The following NAA35 variants were observed in gnomAD, a reference collection of about 807,000 sequenced individuals.
NAA35 encodes the protein MAK10 homolog, amino-acid N-acetyltransferase subunit.
In NAA35, 18 loss-of-function variants were observed where a neutral mutation model predicts 101.7. That is an observed-to-expected ratio of 0.18 (90% confidence interval 0.12 to 0.26). The LOEUF (loss-of-function observed/expected upper bound fraction) is 0.26, where lower values mean the gene tolerates loss of function less well. Among genes scored for constraint, NAA35 ranks in the 10% least tolerant of loss-of-function variants. NAA35 has a pLI of 1.00. For missense variants in NAA35, 601 were observed against 886.8 expected, an observed-to-expected ratio of 0.68 and a Z score of 4.09; for synonymous variants, 267 against 273.1, an observed-to-expected ratio of 0.98 and a Z score of 0.22.
intron 11 of NAA35, among the ~76,000 whole-genome samples, chr9:85,990,314 G>C (rs1412027303): frequency 6.6e-6 from 1 of 152,178 alleles, no homozygotes; most frequent in Non-Finnish European, 1.5e-5. Flanking sequence ...GACACCTCCT[G>C]TTAGGCCCCA....
chr9:86,021,886 GT>G lies in NAA35; in HGVS notation c.2119-10del, dbSNP rs1832578080. 1.2e-6 allele frequency: 2 copies of G among 1,604,606 alleles called. No individual in the cohort carries two copies. Among genetic ancestry groups the G allele is most frequent in the Admixed American group, 1.7e-5 (1 of 59,760 alleles). ...TTTGTAGATACATTAATTGAGTTTCGTTTTTCTTTAACAGGTTCCTCCTGAA... is the reference window on the plus strand; with the variant it reads ...TTTGTAGATACATTAATTGAGTTTCGTTTTCTTTAACAGGTTCCTCCTGAA... On this transcript the variant is annotated splice_polypyrimidine_tract_variant and intron_variant, in intron 22 of 22. Coordinates refer to ENST00000361671, the MANE Select transcript of NAA35 (RefSeq NM_024635.4).
chr9:85,971,308 C>T (rs1189123652), intron 6 of NAA35, among the ~76,000 whole-genome samples: 1 of 152,200 alleles, frequency 6.6e-6, no homozygotes, highest in Admixed American at 6.5e-5. Context: ...CCTCCCTCTC[C>T]AACCTGTGAG....
intron 19 of NAA35, among the ~76,000 whole-genome samples, chr9:86,018,029 G>A (rs997798119): frequency 3.9e-5 from 6 of 152,202 alleles, no homozygotes; most frequent in African/African-American, 1.4e-4. Flanking sequence ...GTACTTGGCA[G>A]TCCAAGAAAT....
In NAA35 at chr9:85,944,513, A is replaced by T. The variant is rs78164323; in HGVS notation, c.124+2230A>T. Among the ~76,000 whole-genome samples, 538 of 152,294 alleles carry T rather than the reference A, an allele frequency of 3.5e-3. 12 individuals are homozygous for T. The highest frequency in any genetic ancestry group is 1.1e-3 in the Non-Finnish European group (72 of 68,024). Reference sequence around the variant, plus strand: ...GAAGGGTAACATATGAGAACAAATAAGTTCATGTTGCTGGAGAGGTGAAAG... The same window carrying T: ...GAAGGGTAACATATGAGAACAAATATGTTCATGTTGCTGGAGAGGTGAAAG... On this transcript the variant is annotated intron_variant, in intron 2 of 22. Transcript: ENST00000361671.
intron 2 of NAA35, among the ~76,000 whole-genome samples, chr9:85,948,765 AT>A (rs544055976): frequency 6.7e-6 from 1 of 150,346 alleles, no homozygotes; most frequent in Non-Finnish European, 1.5e-5. Flanking sequence ...ATTTTATTTT[AT>A]TTTTTTTTGA....
chr9:85,976,655 G>T (rs370432917), intron 8 of NAA35, 30 bp from the exon 9 acceptor site: 8 of 1,510,684 alleles, frequency 5.3e-6, no homozygotes, highest in Admixed American at 2.1e-5. Context: ...TTTCAGGTTT[G>T]TGTTTAATTC....
At chr9:86,003,428 T>C (rs565820701) in intron 12 of NAA35, among the ~76,000 whole-genome samples, 157 bp from the exon 13 acceptor site, 5 of 152,172 alleles carry the variant, frequency 3.3e-5, no homozygotes, top group Non-Finnish European at 7.4e-5. Context: ...TTTTATATAA[T>C]TAAATAATTT....
intron 5 of NAA35, 130 bp from the exon 6 acceptor site, chr9:85,961,881 GTC>G (rs1829529183): frequency 3.3e-6 from 2 of 597,606 alleles, no homozygotes; most frequent in African/African-American, 3.8e-5. Flanking sequence ...ATTCTAACGT[GTC>G]TTTTTTTTTT....
At chr9:85,985,806 G>A (rs1166033510) in intron 11 of NAA35, among the ~76,000 whole-genome samples, 1 of 152,070 alleles carries the variant, frequency 6.6e-6, no homozygotes, top group Non-Finnish European at 1.5e-5. Context: ...TTTCAGACTG[G>A]GGGGAAATGG....
intron 5 of NAA35, among the ~76,000 whole-genome samples, chr9:85,960,838 A>G (rs546162129): frequency 4.6e-5 from 7 of 152,364 alleles, no homozygotes; most frequent in African/African-American, 1.7e-4. Flanking sequence ...GGCTGTAGAA[A>G]GGAATTAATA....
intron 11 of NAA35, among the ~76,000 whole-genome samples, chr9:85,980,449 CAGCACTCGGAG>C (rs1447808215): frequency 6.6e-6 from 1 of 152,072 alleles, no homozygotes; most frequent in Non-Finnish European, 1.5e-5. Flanking sequence ...TATCAAAAGA[CAGCACTCGGAG>C]AGTCTAAGGA....
intron 17 of NAA35, among the ~76,000 whole-genome samples, chr9:86,015,025 AGTAG>A (rs747482968): frequency 1.3e-5 from 2 of 152,074 alleles, no homozygotes; most frequent in Non-Finnish European, 2.9e-5. Context: ...CAGCCTCTCA[AGTAG>A]GTGGGACTAC....
chr9:85,959,668 A>G (rs1000969723), intron 4 of NAA35, 125 bp from the exon 5 acceptor site: 3 of 607,338 alleles, frequency 4.9e-6, no homozygotes, highest in African/African-American at 1.8e-5. Flanking sequence ...AGATGATAAG[A>G]TAGCATTTTC....
intron 6 of NAA35, among the ~76,000 whole-genome samples, chr9:85,973,248 G>A (rs1159432605): frequency 1.3e-5 from 2 of 152,206 alleles, no homozygotes; most frequent in Non-Finnish European, 2.9e-5. Context: ...GTGATGTAGG[G>A]CCATAGAGGC....
At chr9:85,941,682 G>T in intron 1 of NAA35, 1 of 986,288 alleles carries the variant, frequency 1.0e-6, no homozygotes, top group Non-Finnish European at 1.2e-6. Flanking sequence ...GCGAGGTTCT[G>T]CCTGGGTCCG....
At chr9:85,942,021 C>A in intron 1 of NAA35, 134 bp from the exon 2 acceptor site, 1 of 1,389,346 alleles carries the variant, frequency 7.2e-7, no homozygotes, top group Non-Finnish European at 9.6e-7. Flanking sequence ...CAGTACTGTC[C>A]TTAGACTCAG....
chr9:86,021,054 G>A, intron 22 of NAA35, 85 bp downstream of exon 22: 1 of 997,306 alleles, frequency 1.0e-6, no homozygotes, highest in African/African-American at 1.7e-5. Context: ...AATATTACAG[G>A]AAAAATTAAA....
chr9:86,008,386 G>A (rs1319511759), intron 14 of NAA35, among the ~76,000 whole-genome samples: 1 of 152,156 alleles, frequency 6.6e-6, no homozygotes, highest in Non-Finnish European at 1.5e-5. Flanking sequence ...ACATGGTGGT[G>A]TAATTTTTGT....
At chr9:85,983,920 G>T (rs1830540467) in intron 11 of NAA35, among the ~76,000 whole-genome samples, 1 of 151,652 alleles carries the variant, frequency 6.6e-6, no homozygotes, top group South Asian at 2.1e-4. Context: ...ATTATACTAG[G>T]CTTAGTCAAG....
Sources: gnomAD v4.1 joint callset for allele counts (sites outside exome capture counted in the v4.1 genomes callset) on GRCh38, gnomAD v4.1.1 for gene constraint, MANE v1.5 for transcripts, NCBI Gene and HGNC (gene_info 2026-07-23, HGNC 2026-07-21) for gene names.